The following CRADD variants were observed in gnomAD, a reference collection of about 807,000 sequenced individuals.
CRADD encodes the protein CARD and death domain containing adaptor protein.
In CRADD, 9 loss-of-function variants were observed where a neutral mutation model predicts 15.5. The observed-to-expected ratio is 0.58, with a 90% confidence interval of 0.35 to 1.01. The LOEUF is 1.01. Among genes scored for constraint, CRADD ranks in the 50% least tolerant of loss-of-function variants. The probability of loss-of-function intolerance (pLI) is 0.02; values close to 1 mark genes in which losing one functional copy is unlikely to be tolerated. For missense variants in CRADD, 227 were observed against 250.3 expected (o/e 0.91, Z 0.63); for synonymous variants, 118 against 107.6 (o/e 1.10, Z -0.60).
chr12:93,839,591 G>T (rs114028294), intron 2 of CRADD, among the ~76,000 whole-genome samples: 6 of 152,102 alleles, frequency 3.9e-5, no homozygotes, highest in African/African-American at 1.2e-4. Context: ...TCTACATCAC[G>T]TCCCAGCCTA....
At chr12:93,678,363 C>G (rs967592533) in intron 1 of CRADD, among the ~76,000 whole-genome samples, 4 of 152,166 alleles carry the variant, frequency 2.6e-5, no homozygotes, top group African/African-American at 9.7e-5. Flanking sequence ...TGGTGCAGGT[C>G]TGATGAGGGC....
intron 2 of CRADD, among the ~76,000 whole-genome samples, chr12:93,884,837 A>G (rs1311562719): frequency 6.6e-6 from 1 of 152,190 alleles, no homozygotes; most frequent in Non-Finnish European, 1.5e-5. Context: ...AGTCACTTGT[A>G]TGAGGAGGTG....
At chr12:93,893,355 T>A (rs1459214260) in intron 2 of CRADD, among the ~76,000 whole-genome samples, 1 of 152,090 alleles carries the variant, frequency 6.6e-6, no homozygotes, top group Non-Finnish European at 1.5e-5. Flanking sequence ...CTCATTACTT[T>A]CTGTTTGTTC....
intron 2 of CRADD, among the ~76,000 whole-genome samples, chr12:93,865,609 T>C (rs190346534): frequency 2.4e-4 from 37 of 152,178 alleles, no homozygotes; most frequent in Non-Finnish European, 4.0e-4. Flanking sequence ...TTTGTAGAGA[T>C]GACTATGTTG....
At chr12:93,857,422 A>ACAACAAATGC (rs1285411847) in intron 2 of CRADD, among the ~76,000 whole-genome samples, 10 of 152,356 alleles carry the variant, frequency 6.6e-5, no homozygotes, top group African/African-American at 2.4e-4. Flanking sequence ...TAATTCAAGG[A>ACAACAAATGC]CAACAAATGC....
At chr12:93,681,461 C>T (rs1012162116) in intron 2 of CRADD, among the ~76,000 whole-genome samples, 1 of 151,820 alleles carries the variant, frequency 6.6e-6, no homozygotes, top group African/African-American at 2.4e-5. Context: ...AGTAACACTG[C>T]TATTGAAAAA....
intron 2 of CRADD, among the ~76,000 whole-genome samples, chr12:93,846,896 C>T (rs942136709): frequency 4.6e-5 from 7 of 152,036 alleles, no homozygotes; most frequent in African/African-American, 1.2e-4. Context: ...GTCAGGAGAT[C>T]GAGACCATCC....
intron 2 of CRADD, among the ~76,000 whole-genome samples, chr12:93,790,939 A>T (rs532016288): frequency 2.7e-5 from 4 of 150,346 alleles, no homozygotes; most frequent in South Asian, 2.1e-4. Flanking sequence ...ACACACACAC[A>T]CTCTTGATAG....
chr12:93,682,447 C>T (rs916112429), intron 2 of CRADD, among the ~76,000 whole-genome samples: 1 of 152,228 alleles, frequency 6.6e-6, no homozygotes, highest in Admixed American at 6.5e-5. Flanking sequence ...GAAGGAATGG[C>T]CTTCTTTTTT....
chr12:93,884,620 T>C (rs1958523519), intron 2 of CRADD, among the ~76,000 whole-genome samples: 1 of 152,130 alleles, frequency 6.6e-6, no homozygotes, highest in South Asian at 2.1e-4. Context: ...ATCTGTGAGG[T>C]GGGAATCCTG....
chr12:93,819,765 G>C (rs1159608620), intron 2 of CRADD, among the ~76,000 whole-genome samples: 1 of 152,180 alleles, frequency 6.6e-6, no homozygotes, highest in Non-Finnish European at 1.5e-5. Context: ...CATAACCGAA[G>C]GAGAATCAGT....
chr12:93,813,131 AG>A (rs1957648276), intron 2 of CRADD, among the ~76,000 whole-genome samples: 2 of 152,246 alleles, frequency 1.3e-5, no homozygotes, highest in African/African-American at 4.8e-5. Context: ...ATAGAGCAGA[AG>A]GGATTGTATA....
At chr12:93,700,467 G>T (rs1056896468) in intron 2 of CRADD, among the ~76,000 whole-genome samples, 6 of 151,886 alleles carry the variant, frequency 4.0e-5, no homozygotes, top group Admixed American at 3.3e-4. Context: ...GTCTGGCTCT[G>T]TCACCCAGGC....
At chr12:93,813,368 C>G (rs1195073837) in intron 2 of CRADD, among the ~76,000 whole-genome samples, 1 of 152,252 alleles carries the variant, frequency 6.6e-6, no homozygotes, top group Non-Finnish European at 1.5e-5. Context: ...CCCTTATCTT[C>G]CACAACTTCT....
At chr12:93,719,678 G>A (rs1956224129) in intron 2 of CRADD, among the ~76,000 whole-genome samples, 1 of 152,102 alleles carries the variant, frequency 6.6e-6, no homozygotes, top group African/African-American at 2.4e-5. Context: ...GGCAGATTGT[G>A]TTTTTCAATG....
intron 2 of CRADD, among the ~76,000 whole-genome samples, chr12:93,721,410 T>A (rs1395310585): frequency 6.6e-6 from 1 of 152,172 alleles, no homozygotes; most frequent in Non-Finnish European, 1.5e-5. Context: ...ATTTCACTTA[T>A]ACGTTAGTGT....
chr12:93,728,805 C>T (rs1171971004), intron 2 of CRADD, among the ~76,000 whole-genome samples: 7 of 152,074 alleles, frequency 4.6e-5, no homozygotes, highest in Admixed American at 4.6e-4. Flanking sequence ...GATAATATAT[C>T]ATTACCAAAT....
intron 2 of CRADD, among the ~76,000 whole-genome samples, chr12:93,821,593 A>T (rs1413248119): frequency 6.6e-6 from 1 of 152,240 alleles, no homozygotes; most frequent in African/African-American, 2.4e-5. Flanking sequence ...CTGTTGCCAC[A>T]TGAAAATTGG....
intron 2 of CRADD, among the ~76,000 whole-genome samples, chr12:93,823,692 G>C (rs185655330): frequency 9.9e-5 from 15 of 152,282 alleles, no homozygotes; most frequent in African/African-American, 3.4e-4. Context: ...TTAGAAGTAA[G>C]GTATTTTTCC....
Sources: allele counts gnomAD v4.1 joint callset (sites outside exome capture counted in the v4.1 genomes callset), GRCh38; gene constraint gnomAD v4.1.1; transcripts MANE v1.5; gene names NCBI Gene and HGNC (gene_info 2026-07-23, HGNC 2026-07-21).